The following C3 variants were observed in gnomAD, a reference collection of about 807,000 sequenced individuals.
C3 encodes the protein C3 and PZP-like alpha-2-macroglobulin domain-containing protein 1.
A neutral mutation model predicts 207.9 loss-of-function variants in C3; 97 were observed. That is an observed-to-expected ratio of 0.47 (90% CI 0.40 to 0.55). C3 has a LOEUF of 0.55. Ranked by LOEUF, C3 falls within the 20% of genes least tolerant of loss-of-function variation. C3 has a pLI of 0.00. For missense variants in C3, 1,684 were observed against 2,171.7 expected (o/e 0.78, Z 4.46); for synonymous variants, 848 against 857.6 (o/e 0.99, Z 0.20).
chr19:6,714,561 TGGTTAA>T, intron 4 of C3, 115 bp from the exon 5 acceptor site: 2 of 797,482 alleles, frequency 2.5e-6, no homozygotes, highest in Non-Finnish European at 4.3e-6. Context: ...GTGTCTACTG[TGGTTAA>T]GAACAGGGAC....
intron 9 of C3, 30 bp downstream of exon 9, chr19:6,713,159 C>A: frequency 6.2e-7 from 1 of 1,613,446 alleles, no homozygotes; most frequent in Admixed American, 1.7e-5. Context: ...ACTTGGTGGT[C>A]CTGAGCCTGG....
At chr19:6,685,334 C>G (rs1917976903) in intron 29 of C3, among the ~76,000 whole-genome samples, 188 bp from the exon 30 acceptor site, 1 of 152,110 alleles carries the variant, frequency 6.6e-6, no homozygotes, top group African/African-American at 2.4e-5. Context: ...CTCCGAGAGA[C>G]AGAAACTTAC....
chr19:6,707,033 A>C (rs1568222588), intron 17 of C3, 43 bp downstream of exon 17: 235 of 681,196 alleles, frequency 3.4e-4, no homozygotes, highest in East Asian at 5.8e-4. Context: ...CTCCTCCCCC[A>C]TCAGACGGCC....
At position 6,696,359 on chromosome 19, in the gene C3, CG is replaced by C. The variant is rs1568216751; in HGVS notation, c.2950+19del. ...CATGCCCTCCTGGGACCCATGGGGT[CG>C]GGGTCAAGGGTGTCTCACCTTGCAG... is the stretch of plus-strand genomic sequence containing the variant. On this transcript the variant is annotated intron_variant, in intron 23 of 40. Transcript: ENST00000245907. The C allele has an allele frequency of 5.1e-6, 8 of 1,564,854 alleles. No individual in the cohort carries two copies. The highest frequency in any genetic ancestry group is 6.1e-6 in the Non-Finnish European group (7 of 1,141,500).
chr19:6,710,743 A>C lies in C3; in HGVS notation c.1582T>G (p.Ser528Ala). ...PLSITTDFIP[S>A]FRLVAYYTLI... ...GTGTAGTACGCCACCAGGCGGAAGG[A>C]AGGGATGAAGTCGGTGGTGATGGAC... is the stretch of plus-strand genomic sequence containing the variant. Residue 528 changes from serine (S) to alanine (A), a missense_variant, in exon 13 of 41, where the codon TCC becomes GCC. Physicochemically the swap from Ser to Ala is moderately conservative, Grantham distance 99. Transcript: ENST00000245907. 1 of 1,613,736 alleles carries C rather than the reference A, an allele frequency of 6.2e-7. No individual in the cohort carries two copies. Among genetic ancestry groups the C allele is most frequent in the Non-Finnish European group, 8.5e-7 (1 of 1,179,970 alleles).
At chr19:6,679,974 C>G (rs1917818306) in intron 36 of C3, 184 bp downstream of exon 36, 1 of 618,198 alleles carries the variant, frequency 1.6e-6, no homozygotes, top group African/African-American at 1.8e-5. Context: ...CAGATCCCCT[C>G]AGAACCTCAG....
In C3 at chr19:6,697,739, G is replaced by T; in HGVS notation, c.2496C>A (p.Asp832Glu). The T allele has an allele frequency of 6.8e-6, 11 of 1,614,058 alleles. No homozygotes were observed. Among genetic ancestry groups the T allele is most frequent in the Non-Finnish European group, 9.3e-6 (11 of 1,180,010 alleles). The change falls in exon 20 of 41, where the codon GAC becomes GAA. Residue 832 changes from aspartate to glutamate, a missense_variant. Asp to Glu is a conservative substitution (Grantham distance 45). Coordinates refer to ENST00000245907, the MANE Select transcript of C3 (RefSeq NM_000064.4). ...GAACAACAGAGTAGGGTAGCCGCAG[G>T]TCGATGAAGAAGTCCTGCATTACTG... ...EVTVMQDFFI[D>E]LRLPYSVVRN...
intron 19 of C3, among the ~76,000 whole-genome samples, 179 bp from the exon 20 acceptor site, chr19:6,697,973 C>T (rs1025277058): frequency 3.3e-5 from 5 of 151,064 alleles, no homozygotes; most frequent in Non-Finnish European, 5.9e-5. Context: ...ATGGTGGTGG[C>T]TGGGAGTTAC....
intron 35 of C3, among the ~76,000 whole-genome samples, chr19:6,681,658 A>C (rs540955282): frequency 6.6e-5 from 10 of 152,196 alleles, no homozygotes; most frequent in African/African-American, 2.2e-4. Context: ...CTTAAAAAAA[A>C]AACCAAAAAA....
chr19:6,713,073 C>T (rs1420286225), intron 9 of C3, 116 bp downstream of exon 9: 6 of 1,292,818 alleles, frequency 4.6e-6, no homozygotes, highest in Non-Finnish European at 5.6e-6. Flanking sequence ...TCAGACTGAA[C>T]CCCACTTTCA....
rs1348714445 is a variant in C3, at chr19:6,700,689, G to C, written c.2440+1438C>G. Among the ~76,000 whole-genome samples the C allele has an allele frequency of 6.9e-4, 10 of 14,496 alleles. 3 individuals are homozygous for C. The highest frequency in any genetic ancestry group is 3.0e-3 in the African/African-American group (8 of 2,624). 9.5% of individuals were successfully genotyped at this position (14,496 alleles called of 152,430 possible). On this transcript the variant is annotated intron_variant, in intron 19 of 40. Transcript: ENST00000245907. ...ATTATATATGTAATATATAATATAT[G>C]ATATATTATATATGTAATATGTGGT...
At chr19:6,705,931 C>T (rs1282840285) in intron 17 of C3, among the ~76,000 whole-genome samples, 2 of 151,952 alleles carry the variant, frequency 1.3e-5, no homozygotes, top group Non-Finnish European at 2.9e-5. Context: ...ACCTCGGCCT[C>T]CCAAAGTGCT....
Position 6,710,977 on chromosome 19 carries a change from G to A in C3, c.1479+10C>T, listed in dbSNP as rs1967910908. 1 of 1,613,396 alleles carries A rather than the reference G, an allele frequency of 6.2e-7. No individual in the cohort carries two copies. The highest frequency in any genetic ancestry group is 8.5e-7 in the Non-Finnish European group (1 of 1,179,348). On this transcript the variant is annotated intron_variant, in intron 12 of 40. Transcript: ENST00000245907. ...GAGGCGGGGGCTGAGGTTTCCAGGT[G>A]GCCACGGACCAGGTAGGTGTAGTAG...
At chr19:6,707,010 C>T in intron 17 of C3, 66 bp downstream of exon 17, 1 of 1,275,090 alleles carries the variant, frequency 7.8e-7, no homozygotes, top group Non-Finnish European at 1.1e-6. Context: ...ATCCTCCCTC[C>T]TCAGACAGGA....
intron 23 of C3, among the ~76,000 whole-genome samples, chr19:6,695,784 C>T (rs932624654): frequency 6.6e-6 from 1 of 151,882 alleles, no homozygotes; most frequent in Admixed American, 6.6e-5. Flanking sequence ...AAGCTGGTTT[C>T]CCATCTAAGA....
At chr19:6,691,422 G>T (rs958183394) in intron 26 of C3, among the ~76,000 whole-genome samples, 2 of 152,160 alleles carry the variant, frequency 1.3e-5, no homozygotes, top group Non-Finnish European at 2.9e-5. Flanking sequence ...ATAATGAACT[G>T]TGGGAGTGTG....
intron 26 of C3, among the ~76,000 whole-genome samples, chr19:6,692,030 A>T (rs1027548173): frequency 6.8e-6 from 1 of 147,464 alleles, no homozygotes; most frequent in Non-Finnish European, 1.5e-5. Context: ...ACACACACAC[A>T]CACACTCACA....
At chr19:6,678,123 T>TCGCG (rs1482644058) in intron 40 of C3, 29 bp downstream of exon 40, 1 of 1,613,854 alleles carries the variant, frequency 6.2e-7, no homozygotes, top group Non-Finnish European at 8.5e-7. Context: ...AGTCGGGCGG[T>TCGCG]CGCGCGCACG....
At chr19:6,690,544 C>G in intron 27 of C3, 85 bp downstream of exon 27, 5 of 1,062,762 alleles carry the variant, frequency 4.7e-6, no homozygotes, top group Non-Finnish European at 7.4e-6. Context: ...CTGCAAATTC[C>G]CTGAAGGCAA....
Sources: gnomAD v4.1 joint callset for allele counts (sites outside exome capture counted in the v4.1 genomes callset) on GRCh38, gnomAD v4.1.1 for gene constraint, MANE v1.5 for transcripts, NCBI Gene and HGNC (gene_info 2026-07-23, HGNC 2026-07-21) for gene names.